The following ANKRD10 variants were observed in gnomAD, a reference collection of about 807,000 sequenced individuals.
ANKRD10 encodes ankyrin repeat domain 10, also known as ankyrin repeat domain-containing protein 10.
Under a neutral mutation model 27.0 loss-of-function variants are expected in ANKRD10, and 14 were observed. The ratio of observed to expected loss-of-function variants is 0.52; its 90% CI spans 0.34 to 0.81. ANKRD10 has a LOEUF of 0.81. Among genes scored for constraint, ANKRD10 ranks in the 40% least tolerant of loss-of-function variants. The pLI is 0.01. For synonymous variants in ANKRD10, 250 were observed against 224.5 expected (o/e 1.11, Z -1.01); for missense variants, 493 against 544.0 (o/e 0.91, Z 0.93).
At chr13:110,894,294 A>T in intron 3 of ANKRD10, 1 of 765,854 alleles carries the variant, frequency 1.3e-6, no homozygotes, top group Non-Finnish European at 2.2e-6. Context: ...CCTGTTCAGC[A>T]AGCTACACTA....
intron 1 of ANKRD10, among the ~76,000 whole-genome samples, chr13:110,913,960 GA>G (rs960570466): frequency 6.6e-6 from 1 of 152,112 alleles, no homozygotes; most frequent in Admixed American, 6.5e-5. Flanking sequence ...TTCAGTTTAA[GA>G]AAAAAGAGGG....
intron 4 of ANKRD10, among the ~76,000 whole-genome samples, chr13:110,888,487 T>C (rs1276440448): frequency 6.6e-6 from 1 of 152,080 alleles, no homozygotes; most frequent in Admixed American, 6.6e-5. Context: ...ACTGCAAATT[T>C]GAAAACAGTG....
intron 4 of ANKRD10, among the ~76,000 whole-genome samples, chr13:110,889,108 C>CTT (rs10701034): frequency 0.34 from 51,729 of 151,922 alleles, 9,281 homozygotes; most frequent in South Asian, 0.42. Flanking sequence ...CATTGAAAAA[C>CTT]GACCACAGTT....
chr13:110,900,567 C>A (rs1224405676), intron 3 of ANKRD10: 2 of 1,350,610 alleles, frequency 1.5e-6, no homozygotes, highest in African/African-American at 1.5e-5. Flanking sequence ...GGAAGCGATA[C>A]TGAACATTCA....
chr13:110,900,755 G>T, intron 3 of ANKRD10: 1 of 1,167,138 alleles, frequency 8.6e-7, no homozygotes, highest in Non-Finnish European at 1.2e-6. Context: ...GATTTAAAAC[G>T]GGCAATGGTT....
chr13:110,892,885 C>G (rs936189465), intron 4 of ANKRD10, 143 bp downstream of exon 4: 59 of 1,442,136 alleles, frequency 4.1e-5, no homozygotes, highest in Non-Finnish European at 5.3e-5. Context: ...CAGGAGAAAT[C>G]TCCACCGTCA....
intron 5 of ANKRD10, among the ~76,000 whole-genome samples, chr13:110,881,676 A>C (rs1347107073): frequency 6.6e-6 from 1 of 152,244 alleles, no homozygotes; most frequent in Admixed American, 6.5e-5. Context: ...AACAAAGTAT[A>C]AACAATGTTT....
At chr13:110,912,851 G>A (rs1283987781) in intron 1 of ANKRD10, among the ~76,000 whole-genome samples, 1 of 152,208 alleles carries the variant, frequency 6.6e-6, no homozygotes, top group Admixed American at 6.5e-5. Context: ...CTTCTTCTCA[G>A]AAGGGAATGT....
intron 3 of ANKRD10, among the ~76,000 whole-genome samples, chr13:110,896,825 C>G (rs2065237923): frequency 6.6e-6 from 1 of 152,112 alleles, no homozygotes; most frequent in South Asian, 2.1e-4. Context: ...TTTTGCTCAA[C>G]TATTAAAAAA....
chr13:110,902,081 A>G (rs1472203891), intron 3 of ANKRD10, among the ~76,000 whole-genome samples: 2 of 150,538 alleles, frequency 1.3e-5, no homozygotes, highest in African/African-American at 4.9e-5. Context: ...AGAGGAGGCA[A>G]AAGTAGGATG....
intron 3 of ANKRD10, among the ~76,000 whole-genome samples, chr13:110,897,122 T>C (rs926800628): frequency 6.6e-6 from 1 of 152,012 alleles, no homozygotes; most frequent in Non-Finnish European, 1.5e-5. Flanking sequence ...TATCTTTCCA[T>C]CTAGTAACCA....
At chr13:110,883,432 C>T in intron 5 of ANKRD10, 1 of 1,010,456 alleles carries the variant, frequency 9.9e-7, no homozygotes, top group Non-Finnish European at 1.3e-6. Flanking sequence ...ACCCAAAACA[C>T]TTCTTGTATC....
chr13:110,893,614 C>T (rs1034630512), intron 3 of ANKRD10, among the ~76,000 whole-genome samples: 4 of 152,218 alleles, frequency 2.6e-5, no homozygotes, highest in African/African-American at 9.6e-5. Flanking sequence ...TTTTAATACC[C>T]ATTCCTTTAG....
At chr13:110,912,716 T>C (rs1472660718) in intron 1 of ANKRD10, among the ~76,000 whole-genome samples, 1 of 152,228 alleles carries the variant, frequency 6.6e-6, no homozygotes, top group Non-Finnish European at 1.5e-5. Flanking sequence ...TGTGCACCAC[T>C]AGCACATTTC....
At position 110,878,891 on chromosome 13, in the gene ANKRD10, C is replaced by T. The variant is rs754694113; in HGVS notation, c.*746G>A. On this transcript the variant is annotated 3_prime_UTR_variant, in exon 6 of 6. Transcript: ENST00000267339. ...TCAACAGTCAGTTAAATATTTTGAC[C>T]TGACAGTTTCTACAAATAGTGATTT... is the stretch of plus-strand genomic sequence containing the variant. The T allele has an allele frequency of 6.0e-4, 92 of 152,378 alleles. No homozygotes were observed. Among genetic ancestry groups the T allele is most frequent in the African/African-American group, 2.0e-3 (84 of 41,562 alleles). 9.4% of individuals were successfully genotyped at this position (152,378 alleles called of 1,614,324 possible).
At chr13:110,906,264 A>G (rs2065530302) in intron 2 of ANKRD10, 140 bp from the exon 3 acceptor site, 2 of 668,494 alleles carry the variant, frequency 3.0e-6, no homozygotes, top group South Asian at 4.0e-5. Context: ...GAAGCAGAAC[A>G]CAAAGAAATC....
intron 5 of ANKRD10, among the ~76,000 whole-genome samples, chr13:110,882,453 G>A (rs944251905): frequency 1.2e-4 from 18 of 152,148 alleles, no homozygotes; most frequent in Admixed American, 1.1e-3. Flanking sequence ...GGAAACACAG[G>A]GTGTATGGAC....
chr13:110,891,552 A>C (rs1260542263), intron 4 of ANKRD10, among the ~76,000 whole-genome samples: 1 of 152,240 alleles, frequency 6.6e-6, no homozygotes, highest in Non-Finnish European at 1.5e-5. Context: ...TGTGAAGTAC[A>C]TAATACTGAC....
chr13:110,883,880 G>C, intron 4 of ANKRD10, 87 bp from the exon 5 acceptor site: 1 of 1,443,236 alleles, frequency 6.9e-7, no homozygotes, highest in Non-Finnish European at 9.4e-7. Context: ...TTTTGTGTGA[G>C]CACTGAACAC....
Sources: allele counts gnomAD v4.1 joint callset (sites outside exome capture counted in the v4.1 genomes callset), GRCh38; gene constraint gnomAD v4.1.1; transcripts MANE v1.5; gene names NCBI Gene and HGNC (gene_info 2026-07-23, HGNC 2026-07-21).